Variants in TUB observed in about 807,000 individuals in gnomAD.
TUB encodes TUB bipartite transcription factor.
In TUB, 33 loss-of-function variants were observed where a neutral mutation model predicts 59.7. That is an observed-to-expected ratio of 0.55 (90% CI 0.42 to 0.74). The LOEUF (loss-of-function observed/expected upper bound fraction) is 0.74. Among genes scored for constraint, TUB ranks in the 30% least tolerant of loss-of-function variants. The pLI is 0.00. For synonymous variants in TUB, 293 were observed against 256.4 expected, an observed-to-expected ratio of 1.14 and a Z score of -1.36; for missense variants, 659 against 672.0, an observed-to-expected ratio of 0.98 and a Z score of 0.21.
chr11:8,023,118 T>G (rs1942453443), intron 1 of TUB, among the ~76,000 whole-genome samples: 1 of 152,162 alleles, frequency 6.6e-6, no homozygotes, highest in African/African-American at 2.4e-5. Flanking sequence ...TCTCTCCACG[T>G]GCCTTCTCAT....
chr11:8,042,696 C>G (rs990776553), intron 2 of TUB, among the ~76,000 whole-genome samples: 1 of 152,202 alleles, frequency 6.6e-6, no homozygotes, highest in African/African-American at 2.4e-5. Flanking sequence ...TCCCTGATCA[C>G]TAATGATGAC....
At position 8,097,233 on chromosome 11, in the gene TUB, A is replaced by G. The variant is rs1564922995; in HGVS notation, c.693A>G (p.Ala231=). 6.2e-7 allele frequency: 1 copy of G among 1,614,052 alleles called. No homozygotes were observed. Among genetic ancestry groups the G allele is most frequent in the Non-Finnish European group, 8.5e-7 (1 of 1,180,008 alleles). ...CCTATTCTGCATCCCCATAGGAGGC[A>G]GCCTCAGCCCCTAGCCCAACAGCTC... ...SATSRKSVRE[A]ASAPSPTAPE... Residue 231 remains alanine, a synonymous_variant, in exon 7 of 12, where the codon GCA becomes GCG. Transcript: ENST00000299506.
intron 10 of TUB, 65 bp downstream of exon 10, chr11:8,100,666 G>C: frequency 6.4e-7 from 1 of 1,564,190 alleles, no homozygotes; most frequent in Non-Finnish European, 8.8e-7. Flanking sequence ...GCTTCTAAGG[G>C]CAGAACTCCA....
chr11:8,032,416 G>A (rs957354631), intron 1 of TUB, among the ~76,000 whole-genome samples: 1 of 152,170 alleles, frequency 6.6e-6, no homozygotes, highest in Admixed American at 6.5e-5. Flanking sequence ...ACTCCTGTGG[G>A]CAGCAAGTTT....
intron 1 of TUB, among the ~76,000 whole-genome samples, chr11:8,020,874 C>T (rs190330266): frequency 2.0e-5 from 3 of 152,228 alleles, no homozygotes; most frequent in East Asian, 1.9e-4. Context: ...GTATTGAGTG[C>T]GAACTATATC....
intron 1 of TUB, among the ~76,000 whole-genome samples, chr11:8,030,694 C>A (rs1446441403): frequency 6.6e-6 from 1 of 152,102 alleles, no homozygotes; most frequent in African/African-American, 2.4e-5. Flanking sequence ...GCAGATGGGA[C>A]CCTAGTGTCA....
rs996709878 is a variant in TUB, at chr11:8,097,826, G to A, written c.998G>A (p.Arg333Gln). The change falls in exon 8 of 12, where the codon CGG becomes CAG. Residue 333 changes from arginine (R) to glutamine (Q), a missense_variant and splice_region_variant. Physicochemically the swap from Arg to Gln is conservative, Grantham distance 43. Around this residue, in one of 3 missense-constraint regions of TUB, gnomAD observed 112 missense variants for 156.9 expected, o/e 0.71. Transcript: ENST00000299506. ...GGGGACAGCTATATCGGGAAACTGC[G>A]GTACTAGCATTCCCCCAGGAAGCAG... is the stretch of plus-strand genomic sequence containing the variant. Reference protein sequence around the residue: ...RGGDSYIGKLRSNLMGTKFTV... With the variant: ...RGGDSYIGKLQSNLMGTKFTV... The A allele has an allele frequency of 6.2e-7, 1 of 1,612,524 alleles. No individual in the cohort carries two copies. Among genetic ancestry groups the A allele is most frequent in the Non-Finnish European group, 8.5e-7 (1 of 1,178,790 alleles).
chr11:8,095,709 C>A, intron 5 of TUB, 44 bp downstream of exon 5: 1 of 1,543,234 alleles, frequency 6.5e-7, no homozygotes. Flanking sequence ...AACTCAGTCC[C>A]AGGTTCTCAG....
chr11:8,089,964 A>G, intron 2 of TUB, 105 bp from the exon 3 acceptor site: 1 of 1,432,676 alleles, frequency 7.0e-7, no homozygotes, highest in Non-Finnish European at 9.2e-7. Context: ...TGGGGTGCCA[A>G]GGACATGGGG....
intron 2 of TUB, among the ~76,000 whole-genome samples, chr11:8,042,310 AT>A (rs1004619678): frequency 1.4e-4 from 22 of 152,238 alleles, no homozygotes; most frequent in Admixed American, 7.2e-4. Context: ...TCAATACTTC[AT>A]TTCTTTTTAT....
rs943111962 is a variant in TUB, at chr11:8,106,116, A to AT, written c.*4500dup. On this transcript the variant is annotated 3_prime_UTR_variant, in exon 12 of 12. Coordinates refer to ENST00000299506, the MANE Select transcript of TUB (RefSeq NM_177972.3). The stretch of plus-strand genomic sequence containing the variant: ...AACTTTGGTATTCTGGAGCAAATGT[A>AT]TTTATTTATTGGTATGTGCAATGAC... 5 of 151,714 alleles carry AT rather than the reference A, an allele frequency of 3.3e-5. No individual in the cohort carries two copies. The highest frequency in any genetic ancestry group is 1.2e-4 in the African/African-American group (5 of 41,436). 9.4% of individuals were successfully genotyped at this position (151,714 alleles called of 1,614,324 possible).
In TUB at chr11:8,096,758, A is replaced by G. The variant is rs781397969; in HGVS notation, c.639A>G (p.Leu213=). The change falls in exon 6 of 12, where the codon CTA becomes CTG. Residue 213 remains leucine, a synonymous_variant. Transcript: ENST00000299506. ...EEENSSSSSQ[L]NSNTRPSSAT... ...AGAATAGCTCCAGCTCCTCCCAGCT[A>G]AATAGTAACACCCGCCCCAGCTCTG... is the stretch of plus-strand genomic sequence containing the variant. 1 of 1,614,130 alleles carries G rather than the reference A, an allele frequency of 6.2e-7. No individual in the cohort carries two copies.
intron 2 of TUB, among the ~76,000 whole-genome samples, chr11:8,051,638 T>C (rs1472701840): frequency 6.6e-6 from 1 of 152,220 alleles, no homozygotes; most frequent in Admixed American, 6.5e-5. Flanking sequence ...CACTGCATAT[T>C]CGCCAGCTTT....
At chr11:8,076,482 A>G (rs991506026), upstream of TUB, 3 of 152,124 alleles carry the variant, frequency 2.0e-5, no homozygotes, top group African/African-American at 7.2e-5. Flanking sequence ...GGTGTCAGCT[A>G]ATGGCATGGA....
intron 1 of TUB, among the ~76,000 whole-genome samples, chr11:8,030,963 A>G (rs1181192936): frequency 1.3e-5 from 2 of 152,174 alleles, no homozygotes; most frequent in Non-Finnish European, 2.9e-5. Flanking sequence ...CCCTCTTTCC[A>G]CAGTCTGACA....
intron 3 of TUB, among the ~76,000 whole-genome samples, chr11:8,092,203 A>T (rs910673286): frequency 6.6e-6 from 1 of 152,182 alleles, no homozygotes; most frequent in Non-Finnish European, 1.5e-5. Context: ...ACACTTTGGG[A>T]GGCCAAGGCA....
At chr11:8,052,830 T>G (rs1210157299) in intron 2 of TUB, among the ~76,000 whole-genome samples, 1 of 152,208 alleles carries the variant, frequency 6.6e-6, no homozygotes, top group Non-Finnish European at 1.5e-5. Context: ...GAAAAGCCAT[T>G]TATTTACAGG....
rs189657712 is a variant in TUB at position 8,088,786 on chromosome 11, T to G, written c.39-824T>G. Among the ~76,000 whole-genome samples, 55 of 152,352 alleles carry G rather than the reference T, an allele frequency of 3.6e-4. 1 individual carries two copies. In the East Asian group the frequency reaches 9.7e-3, roughly 27 times the overall value. On this transcript the variant is annotated intron_variant, in intron 1 of 11. Coordinates refer to ENST00000299506, the MANE Select transcript of TUB (RefSeq NM_177972.3). Reference sequence around the variant, plus strand: ...AGTTACCAGTTCCCTACTTGTGCCCTGCCTTCCTCAGAGGCATGGCCAGTG... The same window carrying G: ...AGTTACCAGTTCCCTACTTGTGCCCGGCCTTCCTCAGAGGCATGGCCAGTG...
At chr11:8,046,781 C>T (rs1263916170) in intron 2 of TUB, among the ~76,000 whole-genome samples, 1 of 152,146 alleles carries the variant, frequency 6.6e-6, no homozygotes, top group Admixed American at 6.5e-5. Flanking sequence ...CTATCATCCC[C>T]CACTTAATGT....
Sources: allele counts gnomAD v4.1 joint callset (sites outside exome capture counted in the v4.1 genomes callset), GRCh38; gene constraint gnomAD v4.1.1; regional missense constraint gnomAD v4.1.1; transcripts MANE v1.5; gene names NCBI Gene and HGNC (gene_info 2026-07-23, HGNC 2026-07-21).